Variants in METTL22 observed in about 807,000 individuals in gnomAD.
METTL22 encodes the protein methyltransferase 22, Kin17 lysine.
Under a neutral mutation model 48.4 loss-of-function variants are expected in METTL22, and 51 were observed. The ratio of observed to expected loss-of-function variants is 1.05; its 90% CI spans 0.84 to 1.33. The LOEUF is 1.33. Among genes scored for constraint, METTL22 ranks in the 40% most tolerant of loss-of-function variants. The pLI is 0.00. For missense variants in METTL22, 678 were observed against 526.9 expected (o/e 1.29, Z -2.81); for synonymous variants, 255 against 214.1 (o/e 1.19, Z -1.67).
At position 8,625,683 on chromosome 16, in the gene METTL22, T is replaced by C; in HGVS notation, c.18T>C (p.Pro6=). 6.2e-7 allele frequency: 1 copy of C among 1,614,172 alleles called. No individual in the cohort carries two copies. The highest frequency in any genetic ancestry group is 2.2e-5 in the East Asian group (1 of 44,878). ...CCTGGGCCATGGTACAGCTGGCTCC[T>C]GCGGCAGCCATGGACGAGGTCACCT... The part of the protein sequence containing the change: MVQLA[P]AAAMDEVTFR... The change falls in exon 2 of 11, where the codon CCT becomes CCC. Residue 6 remains proline, a synonymous_variant. Coordinates refer to ENST00000381920, the MANE Select transcript of METTL22 (RefSeq NM_024109.4).
At chr16:8,627,444 T>C (rs1414924610) in intron 2 of METTL22, among the ~76,000 whole-genome samples, 1 of 152,032 alleles carries the variant, frequency 6.6e-6, no homozygotes, top group Non-Finnish European at 1.5e-5. Context: ...GCTCCTCAAG[T>C]ATCATCTCCA....
Position 8,639,139 on chromosome 16 carries a change from A to G in METTL22, c.749A>G (p.Asn250Ser), listed in dbSNP as rs1178502369. 9 of 1,613,898 alleles carry G rather than the reference A, an allele frequency of 5.6e-6. No homozygotes were observed. Among genetic ancestry groups the G allele is most frequent in the Non-Finnish European group, 6.8e-6 (8 of 1,180,010 alleles). The change falls in exon 6 of 11, where the codon AAC becomes AGC. Residue 250 changes from asparagine (N) to serine (S), a missense_variant. Physicochemically the swap from Asn to Ser is conservative, Grantham distance 46. Coordinates refer to ENST00000381920, the MANE Select transcript of METTL22 (RefSeq NM_024109.4). Reference sequence around the variant, plus strand: ...ATGTGCCAGCGAAACATTGCCCTCAACAGCCACCTGGCTGCCACTGGAGGT... The same window carrying G: ...ATGTGCCAGCGAAACATTGCCCTCAGCAGCCACCTGGCTGCCACTGGAGGT... ...LSMCQRNIAL[N>S]SHLAATGGGI...
intron 6 of METTL22, among the ~76,000 whole-genome samples, chr16:8,640,300 C>A (rs561373165): frequency 1.3e-5 from 2 of 152,202 alleles, no homozygotes; most frequent in African/African-American, 4.8e-5. Flanking sequence ...TCCTCTCTCT[C>A]CTCCTGTGCG....
chr16:8,646,024 C>T (rs1567249161), intron 10 of METTL22, 84 bp from the exon 11 acceptor site: 12 of 1,598,070 alleles, frequency 7.5e-6, no homozygotes, highest in Non-Finnish European at 1.0e-5. Flanking sequence ...AACTACTCTC[C>T]TTGGTGAATC....
At chr16:8,664,437 G>C in the METTL22 span, among the ~76,000 whole-genome samples, 2 of 151,662 alleles carry the variant, frequency 1.3e-5, no homozygotes, top group Non-Finnish European at 1.5e-5. Context: ...GAGCCACCAC[G>C]CCCAGCCTAC....
intron 3 of METTL22, among the ~76,000 whole-genome samples, chr16:8,629,815 G>A (rs930250966): frequency 1.3e-5 from 2 of 152,170 alleles, no homozygotes; most frequent in African/African-American, 4.8e-5. Flanking sequence ...GCAGTAGGGA[G>A]CTGGGCCAGG....
At chr16:8,640,891 T>TGGGTGGGTGGGTGGGTAGATGGATGGAG (rs2056583897) in intron 6 of METTL22, among the ~76,000 whole-genome samples, 1 of 49,946 alleles carries the variant, frequency 2.0e-5, no homozygotes, top group Non-Finnish European at 4.0e-5. Flanking sequence ...GGTGGGTGGG[T>TGGGTGGGTGGGTGGGTAGATGGATGGAG]GAATGGATGG....
At chr16:8,640,627 T>A (rs1306862259) in intron 6 of METTL22, among the ~76,000 whole-genome samples, 2 of 33,770 alleles carry the variant, frequency 5.9e-5, no homozygotes, top group Non-Finnish European at 1.1e-4. Flanking sequence ...GATGGATGGA[T>A]GGAAAGATGG....
chr16:8,639,891 A>C (rs11075187), intron 6 of METTL22, among the ~76,000 whole-genome samples: 145,130 of 151,124 alleles, frequency 0.96, 69,954 homozygotes, highest in East Asian at 1. Flanking sequence ...AGCGCCCCCC[A>C]CCACCAACAG....
chr16:8,661,071 G>T, the METTL22 span, among the ~76,000 whole-genome samples: 2 of 152,170 alleles, frequency 1.3e-5, no homozygotes, highest in Non-Finnish European at 2.9e-5. Context: ...TCCGCGGCTT[G>T]AGGGAAGCAG....
chr16:8,641,887 G>A (rs1018879708), intron 7 of METTL22: 31 of 583,626 alleles, frequency 5.3e-5, no homozygotes, highest in African/African-American at 3.7e-5. Flanking sequence ...GCTGAAATCC[G>A]CCCGCTGCTC....
At chr16:8,656,978 A>T in the METTL22 span, among the ~76,000 whole-genome samples, 1 of 152,208 alleles carries the variant, frequency 6.6e-6, no homozygotes, top group Non-Finnish European at 1.5e-5. Flanking sequence ...CCGAGAAGAC[A>T]AACCCACTCT....
intron 3 of METTL22, among the ~76,000 whole-genome samples, chr16:8,633,355 T>C (rs1641036): frequency 0.99 from 150,360 of 152,268 alleles, 74,273 homozygotes; most frequent in Middle Eastern, 1. Context: ...GATCCCACTT[T>C]GGGAGGCCAA....
downstream of METTL22, among the ~76,000 whole-genome samples, chr16:8,650,938 T>G (rs1287515407): frequency 3.9e-5 from 6 of 152,210 alleles, no homozygotes; most frequent in African/African-American, 1.4e-4. Context: ...GCAGGAGAAT[T>G]GGAACCTGAG....
downstream of METTL22, among the ~76,000 whole-genome samples, chr16:8,650,934 G>A (rs951910444): frequency 1.3e-5 from 2 of 152,162 alleles, no homozygotes; most frequent in African/African-American, 4.8e-5. Flanking sequence ...TGAGGCAGGA[G>A]AATTGGAACC....
intron 9 of METTL22, 173 bp from the exon 10 acceptor site, chr16:8,644,384 G>T (rs921081487): frequency 1.7e-6 from 1 of 595,888 alleles, no homozygotes; most frequent in Non-Finnish European, 2.9e-6. Flanking sequence ...CTGGGCTGTC[G>T]TGCAGATGTA....
chr16:8,632,444 G>A (rs902137107), intron 3 of METTL22, among the ~76,000 whole-genome samples: 8 of 152,184 alleles, frequency 5.3e-5, no homozygotes, highest in African/African-American at 1.4e-4. Flanking sequence ...GGCTTCAGGC[G>A]ATCCTCCTGC....
intron 1 of METTL22, among the ~76,000 whole-genome samples, chr16:8,622,361 A>T (rs933074382): frequency 6.6e-6 from 1 of 152,220 alleles, no homozygotes; most frequent in Admixed American, 6.5e-5. Context: ...GGGGACCTAT[A>T]GGAGAAGAAA....
In METTL22 at chr16:8,625,749, C is replaced by T. The variant is rs753740823; in HGVS notation, c.84C>T (p.Thr28=). ...DTVLSDVHLY[T]PNHRHLMVRL... ...TGCTGTCAGATGTCCACCTCTATAC[C>T]CCGAACCATAGACATCTCATGGTAC... The change falls in exon 2 of 11, where the codon ACC becomes ACT. Residue 28 remains threonine, a synonymous_variant. Coordinates refer to ENST00000381920, the MANE Select transcript of METTL22 (RefSeq NM_024109.4). 1.4e-5 allele frequency: 23 copies of T among 1,614,070 alleles called. No individual in the cohort carries two copies. Among genetic ancestry groups the T allele is most frequent in the Middle Eastern group, 1.6e-4 (1 of 6,084 alleles).
Sources: gnomAD v4.1 joint callset for allele counts (sites outside exome capture counted in the v4.1 genomes callset) on GRCh38, gnomAD v4.1.1 for gene constraint, MANE v1.5 for transcripts, NCBI Gene and HGNC (gene_info 2026-07-23, HGNC 2026-07-21) for gene names.